The following EPHA6 variants were observed in gnomAD, a reference collection of about 807,000 sequenced individuals.
EPHA6 encodes the protein ephrin type-A receptor 6.
Under a neutral mutation model 112.0 loss-of-function variants are expected in EPHA6, and 50 were observed. The ratio of observed to expected loss-of-function variants is 0.45; its 90% CI spans 0.36 to 0.56. The LOEUF (loss-of-function observed/expected upper bound fraction) is 0.56. EPHA6 is among the 20% of genes least tolerant of loss of function. The pLI is 0.00. For missense variants in EPHA6, 1,280 were observed against 1,417.4 expected (o/e 0.90, Z 1.56); for synonymous variants, 529 against 490.7 (o/e 1.08, Z -1.03).
intron 1 of EPHA6, among the ~76,000 whole-genome samples, chr3:96,853,737 T>C (rs1379630293): frequency 6.6e-6 from 1 of 152,070 alleles, no homozygotes; most frequent in Non-Finnish European, 1.5e-5. Flanking sequence ...TTTTTCCTGC[T>C]CTTTTTCCTT....
chr3:97,522,552 GC>G, intron 10 of EPHA6, among the ~76,000 whole-genome samples: 1 of 152,230 alleles, frequency 6.6e-6, no homozygotes, highest in South Asian at 2.1e-4. Context: ...TCAGGGTAAT[GC>G]TGGCCTTGTA....
intron 2 of EPHA6, among the ~76,000 whole-genome samples, chr3:96,874,357 A>G (rs1343310449): frequency 6.6e-6 from 1 of 152,088 alleles, no homozygotes; most frequent in East Asian, 1.9e-4. Flanking sequence ...ATTATCTTAG[A>G]AAGGAACTAA....
chr3:97,712,029 G>A (rs2033992996), intron 14 of EPHA6, among the ~76,000 whole-genome samples: 2 of 152,072 alleles, frequency 1.3e-5, no homozygotes, highest in East Asian at 3.9e-4. Flanking sequence ...TTATATATCT[G>A]AAGAGTTATA....
At chr3:97,195,024 C>G (rs907697033) in intron 3 of EPHA6, among the ~76,000 whole-genome samples, 1 of 151,840 alleles carries the variant, frequency 6.6e-6, no homozygotes, top group Admixed American at 6.6e-5. Flanking sequence ...TTAATCCATT[C>G]AGGCACCTTA....
chr3:97,547,504 TG>T (rs2092969788), intron 11 of EPHA6, among the ~76,000 whole-genome samples: 1 of 152,094 alleles, frequency 6.6e-6, no homozygotes, highest in Non-Finnish European at 1.5e-5. Flanking sequence ...TTAGGCTACT[TG>T]GGGGTCAGGG....
intron 3 of EPHA6, among the ~76,000 whole-genome samples, chr3:97,208,238 T>A (rs934854274): frequency 6.6e-6 from 1 of 152,164 alleles, no homozygotes; most frequent in Non-Finnish European, 1.5e-5. Context: ...GCTATTCCAG[T>A]TTTCTTCAAT....
intron 10 of EPHA6, among the ~76,000 whole-genome samples, chr3:97,508,706 T>C (rs1259515732): frequency 6.6e-6 from 1 of 152,136 alleles, no homozygotes; most frequent in African/African-American, 2.4e-5. Context: ...AAGTCCTGAA[T>C]ATCCTTGTTA....
intron 2 of EPHA6, among the ~76,000 whole-genome samples, chr3:96,918,752 G>T (rs1184825148): frequency 6.6e-6 from 1 of 151,940 alleles, no homozygotes; most frequent in East Asian, 1.9e-4. Context: ...TGAGGTATGT[G>T]CTAGAAACTC....
At chr3:97,659,186 A>T (rs2107627931) in intron 14 of EPHA6, among the ~76,000 whole-genome samples, 1 of 152,066 alleles carries the variant, frequency 6.6e-6, no homozygotes, top group African/African-American at 2.4e-5. Context: ...CCATCTATAA[A>T]ATTTAAGATA....
At chr3:97,538,991 C>CTTTCTT (rs1383321501) in intron 11 of EPHA6, among the ~76,000 whole-genome samples, 2 of 141,922 alleles carry the variant, frequency 1.4e-5, no homozygotes, top group African/African-American at 5.6e-5. Context: ...CTCTTTCTTT[C>CTTTCTT]TTTCTTTCTT....
At position 96,934,556 on chromosome 3, in the gene EPHA6, TTGTTGTGTTAA is replaced by T. The variant is rs1291513869; in HGVS notation, c.451-52773_451-52763del. ...CAGAACTAGCTACTTTACTGGTTTT[TTGTTGTGTTAA>T]ACTACCTATTGAGTATAATTTTACC... is the stretch of plus-strand genomic sequence containing the variant. On this transcript the variant is annotated intron_variant, in intron 2 of 17. Coordinates refer to ENST00000389672, the MANE Select transcript of EPHA6 (RefSeq NM_001080448.3). Among the ~76,000 whole-genome samples, 43 of 151,712 alleles carry T rather than the reference TTGTTGTGTTAA, an allele frequency of 2.8e-4. 1 individual carries two copies. In the South Asian group the frequency reaches 8.9e-3, roughly 32 times the overall value.
intron 3 of EPHA6, among the ~76,000 whole-genome samples, chr3:97,032,406 A>G (rs1250754687): frequency 1.3e-5 from 2 of 152,096 alleles, no homozygotes; most frequent in Admixed American, 6.6e-5. Flanking sequence ...TATGTAACAA[A>G]CCTGCACGTT....
At chr3:96,830,717 AAAT>A (rs2034012020) in intron 1 of EPHA6, among the ~76,000 whole-genome samples, 1 of 152,068 alleles carries the variant, frequency 6.6e-6, no homozygotes, top group East Asian at 1.9e-4. Flanking sequence ...TATCTTTTAT[AAAT>A]AATCTGTTTT....
Position 97,452,962 on chromosome 3 carries a change from A to G in EPHA6, c.1894+4232A>G, listed in dbSNP as rs183016683. Among the ~76,000 whole-genome samples, 20 of 151,820 alleles carry G rather than the reference A, an allele frequency of 1.3e-4. No homozygotes were observed. In the East Asian group the frequency reaches 2.9e-3, roughly 22 times the overall value. ...TAGCCATAACTTATAAATTGCTTGG[A>G]AAAAACATATTTGATACATTTTAAC... On this transcript the variant is annotated intron_variant, in intron 7 of 17. Transcript: ENST00000389672.
At chr3:97,415,105 A>G (rs1401840768) in intron 6 of EPHA6, among the ~76,000 whole-genome samples, 1 of 152,032 alleles carries the variant, frequency 6.6e-6, no homozygotes, top group East Asian at 1.9e-4. Flanking sequence ...GCAAACATTG[A>G]TTCTCATACA....
rs1417238476 is a variant in EPHA6 at position 97,055,982 on chromosome 3, C to A, written c.1114+67989C>A. Among the ~76,000 whole-genome samples, 6 of 150,770 alleles carry A rather than the reference C, an allele frequency of 4.0e-5. No homozygotes were observed. In the East Asian group the frequency reaches 1.2e-3, roughly 29 times the overall value. ...TAATTTTGTACACTTAAAATATATT[C>A]TAAACTTACATATTCTATACTTATG... On this transcript the variant is annotated intron_variant, in intron 3 of 17. Transcript: ENST00000389672.
At chr3:97,651,734 A>G (rs982394223) in intron 14 of EPHA6, among the ~76,000 whole-genome samples, 1 of 152,118 alleles carries the variant, frequency 6.6e-6, no homozygotes, top group African/African-American at 2.4e-5. Context: ...TTACTGAGAA[A>G]GATCAATCAG....
chr3:97,109,140 G>T (rs534707741), intron 3 of EPHA6, among the ~76,000 whole-genome samples: 11 of 152,274 alleles, frequency 7.2e-5, no homozygotes, highest in Non-Finnish European at 1.5e-4. Flanking sequence ...TTTGATTCGG[G>T]TTATAAATAT....
chr3:97,561,395 G>A (rs146811636), intron 11 of EPHA6, among the ~76,000 whole-genome samples: 128 of 152,160 alleles, frequency 8.4e-4, no homozygotes, highest in African/African-American at 2.8e-3. Context: ...TGAGAAGAAA[G>A]TGAAGCAGCC....
Sources: allele counts gnomAD v4.1 joint callset (sites outside exome capture counted in the v4.1 genomes callset), GRCh38; gene constraint gnomAD v4.1.1; transcripts MANE v1.5; gene names NCBI Gene and HGNC (gene_info 2026-07-23, HGNC 2026-07-21).